The following UGT1A9 variants were observed in gnomAD, a reference collection of about 807,000 sequenced individuals.
UGT1A9 encodes UDP glucuronosyltransferase family 1 member A9.
Under a neutral mutation model 45.0 loss-of-function variants are expected in UGT1A9, and 35 were observed. The ratio of observed to expected loss-of-function variants is 0.78; its 90% CI spans 0.59 to 1.03. The LOEUF is 1.03. UGT1A9 is among the 50% of genes least tolerant of loss of function. UGT1A9 has a pLI of 0.00. For missense variants in UGT1A9, 687 were observed against 666.6 expected, an observed-to-expected ratio of 1.03 and a Z score of -0.34; for synonymous variants, 278 against 250.6, an observed-to-expected ratio of 1.11 and a Z score of -1.03.
chr2:233,713,178 C>T, intron 1 of UGT1A9: 1 of 1,614,224 alleles, frequency 6.2e-7, no homozygotes, highest in Non-Finnish European at 8.5e-7. Flanking sequence ...GGTCCTCACC[C>T]TGGAGGTGAA....
chr2:233,741,575 C>A lies in UGT1A9; in HGVS notation c.856-25459C>A, dbSNP rs559274983. ...TGGTTATTGTATGAGAATCAACTAC[C>A]CAGGCACCTCGGAGCATGTTGATTT... On this transcript the variant is annotated intron_variant, in intron 1 of 4. Coordinates refer to ENST00000354728, the MANE Select transcript of UGT1A9 (RefSeq NM_021027.3). 4 of 151,970 alleles carry A rather than the reference C, an allele frequency of 2.6e-5. No individual in the cohort carries two copies. In the East Asian group the frequency reaches 7.7e-4, roughly 29 times the overall value. 9.4% of individuals were successfully genotyped at this position (151,970 alleles called of 1,614,324 possible).
chr2:233,761,943 G>A (rs542276464), intron 1 of UGT1A9, among the ~76,000 whole-genome samples: 197 of 152,320 alleles, frequency 1.3e-3, no homozygotes, highest in Non-Finnish European at 2.4e-3. Context: ...CAGGTGCTGC[G>A]TCTGGCTCCC....
At chr2:233,704,669 C>T (rs2075802744) in intron 1 of UGT1A9, among the ~76,000 whole-genome samples, 1 of 152,008 alleles carries the variant, frequency 6.6e-6, no homozygotes, top group Admixed American at 6.6e-5. Flanking sequence ...TTCCTTTGTT[C>T]TTATGGATCT....
chr2:233,691,891 G>C (rs558208124), intron 1 of UGT1A9: 1 of 154,130 alleles, frequency 6.5e-6, no homozygotes, highest in South Asian at 2.1e-4. Context: ...TTGTTTCCTG[G>C]ACACAGCTCC....
At chr2:233,748,180 G>A in intron 1 of UGT1A9, 2 of 1,578,368 alleles carry the variant, frequency 1.3e-6, no homozygotes, top group South Asian at 2.4e-5. Flanking sequence ...TCTTTCTGGT[G>A]CTTTTATTTC....
At chr2:233,749,672 C>T (rs779436675) in intron 1 of UGT1A9, among the ~76,000 whole-genome samples, 1 of 151,816 alleles carries the variant, frequency 6.6e-6, no homozygotes, top group African/African-American at 2.4e-5. Flanking sequence ...ATAATCCCCA[C>T]GTGTCAAGGA....
chr2:233,729,694 C>G, intron 1 of UGT1A9: 3 of 1,613,908 alleles, frequency 1.9e-6, no homozygotes, highest in Non-Finnish European at 2.5e-6. Flanking sequence ...GTGTCCAAAC[C>G]CTTCCTCCTA....
chr2:233,771,639 T>G (rs1180975336), intron 4 of UGT1A9: 1 of 152,344 alleles, frequency 6.6e-6, no homozygotes, highest in African/African-American at 2.4e-5. Flanking sequence ...TTTATTTTAC[T>G]GTATGAAAAT....
At chr2:233,722,287 T>G (rs2125687052) in intron 1 of UGT1A9, among the ~76,000 whole-genome samples, 2 of 152,350 alleles carry the variant, frequency 1.3e-5, no homozygotes, top group Admixed American at 1.3e-4. Flanking sequence ...TGATTTCCTT[T>G]GTTATTTTGT....
In UGT1A9 at chr2:233,769,362, G is replaced by A. The variant is rs1315939386; in HGVS notation, c.1295+923G>A. On this transcript the variant is annotated intron_variant, in intron 4 of 4. Coordinates refer to ENST00000354728, the MANE Select transcript of UGT1A9 (RefSeq NM_021027.3). The surrounding 1 kb of genome is among the most constrained non-coding windows in gnomAD (Gnocchi z 4.4). ...ACCTTATGGGAAGAAGTGGTGGCCAGTGGTAGATTTCATCCGACAATAGAT... is the reference window on the plus strand; with the variant it reads ...ACCTTATGGGAAGAAGTGGTGGCCAATGGTAGATTTCATCCGACAATAGAT... Among the ~76,000 whole-genome samples, 1 of 152,244 alleles carries A rather than the reference G, an allele frequency of 6.6e-6. No homozygotes were observed.
At chr2:233,738,536 G>A (rs919833416) in intron 1 of UGT1A9, among the ~76,000 whole-genome samples, 2 of 152,222 alleles carry the variant, frequency 1.3e-5, no homozygotes, top group Non-Finnish European at 2.9e-5. Context: ...TGAAGTCCAG[G>A]CTGAGTCTCA....
At chr2:233,761,494 C>T (rs1189997049) in intron 1 of UGT1A9, among the ~76,000 whole-genome samples, 1 of 152,234 alleles carries the variant, frequency 6.6e-6, no homozygotes, top group Non-Finnish European at 1.5e-5. Context: ...GCACCTTGCC[C>T]TGGATTCAGT....
chr2:233,686,539 C>A (rs905637475), intron 1 of UGT1A9, among the ~76,000 whole-genome samples: 1 of 152,110 alleles, frequency 6.6e-6, no homozygotes, highest in Non-Finnish European at 1.5e-5. Flanking sequence ...CCTAACCTTT[C>A]CGTGGCTTTC....
At position 233,772,425 on chromosome 2, in the gene UGT1A9, G is replaced by A; in HGVS notation, c.1459G>A (p.Asp487Asn). The change falls in exon 5 of 5, where the codon GAC (aspartate) becomes AAC (asparagine). Residue 487 changes from aspartate (D) to asparagine (N), a missense_variant. By Grantham distance (23) the Asp-to-Asn change is conservative (BLOSUM62 1). Transcript: ENST00000354728. Reference protein sequence around the residue: ...DLTWYQYHSLDVIGFLLAVVL... With the variant: ...DLTWYQYHSLNVIGFLLAVVL... ...CACCTGGTACCAGTACCATTCCTTG[G>A]ACGTGATTGGTTTCCTCTTGGCCGT... 1.2e-6 allele frequency: 2 copies of A among 1,614,224 alleles called. No individual in the cohort carries two copies. Among genetic ancestry groups the A allele is most frequent in the Non-Finnish European group, 1.7e-6 (2 of 1,180,044 alleles).
chr2:233,689,865 T>C (rs1407073564), intron 1 of UGT1A9: 1 of 456,466 alleles, frequency 2.2e-6, no homozygotes, highest in Non-Finnish European at 4.4e-6. Context: ...TACTATTACC[T>C]TCTTGCTTAT....
chr2:233,713,745 G>C, intron 1 of UGT1A9: 1 of 1,613,988 alleles, frequency 6.2e-7, no homozygotes, highest in African/African-American at 1.3e-5. Flanking sequence ...TGTCAGCCAT[G>C]CATCTGTGTG....
chr2:233,690,980 A>C, intron 1 of UGT1A9: 2 of 997,300 alleles, frequency 2.0e-6, no homozygotes, highest in Non-Finnish European at 2.4e-6. Context: ...AACAGGACCC[A>C]CATATGAGCA....
Position 233,745,964 on chromosome 2 carries a change from C to T in UGT1A9, c.856-21070C>T, listed in dbSNP as rs543022659. Among the ~76,000 whole-genome samples, 31 of 151,710 alleles carry T rather than the reference C, an allele frequency of 2.0e-4. No homozygotes were observed. In the South Asian group the frequency reaches 6.4e-3, roughly 32 times the overall value. The stretch of plus-strand genomic sequence containing the variant: ...GGGTTGGGCAACTGGGGGACAGGGG[C>T]CCTGAAATGGGACCATGACAGCTGG... On this transcript the variant is annotated intron_variant, in intron 1 of 4. Transcript: ENST00000354728.
rs192216192 is a variant in UGT1A9, at chr2:233,677,835, A to T, written c.855+5046A>T. 7.8e-5 allele frequency among the ~76,000 whole-genome samples: 11 copies of T among 140,382 alleles called. No individual in the cohort carries two copies. The East Asian group carries it at 1.9e-3, about 25-fold the overall frequency. 92.1% of individuals were successfully genotyped at this position (140,382 alleles called of 152,430 possible). ...AGCAATCCCATTACTAGATATATGT[A>T]AAAAAAATCGTTTTACCAAGAAACA... On this transcript the variant is annotated intron_variant, in intron 1 of 4. Coordinates refer to ENST00000354728, the MANE Select transcript of UGT1A9 (RefSeq NM_021027.3).
Sources: gnomAD v4.1 joint callset for allele counts (sites outside exome capture counted in the v4.1 genomes callset) on GRCh38, gnomAD v4.1.1 for gene constraint, Gnocchi (gnomAD v3.1) non-coding constraint, MANE v1.5 for transcripts, NCBI Gene and HGNC (gene_info 2026-07-23, HGNC 2026-07-21) for gene names.